The following CAMK2B variants were observed in gnomAD, a reference collection of about 807,000 sequenced individuals.
The protein encoded by CAMK2B is calcium/calmodulin dependent protein kinase II beta.
Under a neutral mutation model 93.7 loss-of-function variants are expected in CAMK2B, and 27 were observed. The ratio of observed to expected loss-of-function variants is 0.29; its 90% CI spans 0.21 to 0.40. The LOEUF is 0.40. CAMK2B is among the 10% of genes least tolerant of loss of function. The pLI is 1.00. For synonymous variants in CAMK2B, 374 were observed against 358.8 expected, an observed-to-expected ratio of 1.04 and a Z score of -0.48; for missense variants, 568 against 895.8, an observed-to-expected ratio of 0.63 and a Z score of 4.67.
chr7:44,252,617 G>C (rs1241118158), intron 5 of CAMK2B, among the ~76,000 whole-genome samples: 2 of 151,980 alleles, frequency 1.3e-5, no homozygotes, highest in African/African-American at 4.8e-5. Flanking sequence ...CTGATGGGAG[G>C]CTCTAGGAGG....
chr7:44,261,377 G>A (rs1026919784), intron 3 of CAMK2B, among the ~76,000 whole-genome samples: 2 of 152,222 alleles, frequency 1.3e-5, no homozygotes, highest in Non-Finnish European at 2.9e-5. Flanking sequence ...AACCCCCATG[G>A]GCAGCTCCAA....
intron 4 of CAMK2B, 36 bp from the exon 5 acceptor site, chr7:44,254,643 A>T: frequency 6.8e-7 from 1 of 1,478,074 alleles, no homozygotes; most frequent in Non-Finnish European, 9.4e-7. Flanking sequence ...CAGATTCTGG[A>T]GACCCCTGTC....
rs1411295979 is a variant in CAMK2B at position 44,241,802 on chromosome 7, T to C, written c.820-19A>G. The C allele has an allele frequency of 6.2e-7, 1 of 1,602,366 alleles. No individual in the cohort carries two copies. The highest frequency in any genetic ancestry group is 8.5e-7 in the Non-Finnish European group (1 of 1,170,322). ...AGCGTTGCTGTGGGGAAATGGGTGGTCATATGGCAGCCGAGCCCGAGGCAC... is the reference window on the plus strand; with the variant it reads ...AGCGTTGCTGTGGGGAAATGGGTGGCCATATGGCAGCCGAGCCCGAGGCAC... On this transcript the variant is annotated intron_variant, in intron 10 of 23. Transcript: ENST00000395749.
intron 2 of CAMK2B, among the ~76,000 whole-genome samples, chr7:44,268,995 C>T (rs963636064): frequency 6.6e-6 from 1 of 152,142 alleles, no homozygotes; most frequent in Non-Finnish European, 1.5e-5. Flanking sequence ...GTGGAGGGAG[C>T]TCCTCCCCTC....
chr7:44,311,770 C>T lies in CAMK2B; in HGVS notation c.65+13587G>A, dbSNP rs1379632007. ...ACCAGAGGCCTTCAGGCCTGGGTCT[C>T]TGCTCCCACCTGCAGACAGGACAAG... On this transcript the variant is annotated intron_variant, in intron 1 of 23. Coordinates refer to ENST00000395749, the MANE Select transcript of CAMK2B (RefSeq NM_001220.5). The surrounding 1 kb of genome is among the most constrained non-coding windows in gnomAD (Gnocchi z 4.2). 6.6e-6 allele frequency among the ~76,000 whole-genome samples: 1 copy of T among 152,216 alleles called. No individual in the cohort carries two copies.
intron 2 of CAMK2B, among the ~76,000 whole-genome samples, chr7:44,282,556 T>C (rs561596728): frequency 1.3e-5 from 2 of 152,184 alleles, no homozygotes; most frequent in Non-Finnish European, 2.9e-5. Context: ...GCCAAGCCCC[T>C]TCGTGGCTCA....
chr7:44,240,662 G>A (rs926937846), intron 12 of CAMK2B, 45 bp downstream of exon 12: 5 of 1,605,200 alleles, frequency 3.1e-6, no homozygotes, highest in East Asian at 2.2e-5. Flanking sequence ...GCGTGGGCCA[G>A]CAGGGAGGGG....
At chr7:44,226,129 C>A (rs1263709515) in intron 20 of CAMK2B, among the ~76,000 whole-genome samples, 1 of 152,178 alleles carries the variant, frequency 6.6e-6, no homozygotes, top group Non-Finnish European at 1.5e-5. Context: ...TCTGTCCCGG[C>A]CCAGCAGGTC....
At chr7:44,270,490 A>G (rs898345666) in intron 2 of CAMK2B, among the ~76,000 whole-genome samples, 1 of 152,212 alleles carries the variant, frequency 6.6e-6, no homozygotes, top group African/African-American at 2.4e-5. Flanking sequence ...GCTCTGACCC[A>G]AGCCTGAGGC....
intron 6 of CAMK2B, among the ~76,000 whole-genome samples, chr7:44,244,240 CAG>C (rs2096709489): frequency 6.6e-6 from 1 of 152,216 alleles, no homozygotes; most frequent in South Asian, 2.1e-4. Flanking sequence ...GGCCCTGACA[CAG>C]AGAGCAGTGC....
chr7:44,287,310 T>G (rs1785409144), intron 1 of CAMK2B, among the ~76,000 whole-genome samples: 1 of 152,124 alleles, frequency 6.6e-6, no homozygotes, highest in African/African-American at 2.4e-5. Context: ...TGCTTAAGTC[T>G]CCCACCCCAG....
intron 11 of CAMK2B, among the ~76,000 whole-genome samples, 167 bp from the exon 12 acceptor site, chr7:44,240,916 C>T (rs1202699725): frequency 3.3e-5 from 5 of 152,142 alleles, no homozygotes; most frequent in African/African-American, 9.7e-5. Flanking sequence ...AGCCAGCAGC[C>T]GCACTGAGAC....
intron 1 of CAMK2B, among the ~76,000 whole-genome samples, chr7:44,294,058 G>A (rs538786793): frequency 1.3e-5 from 2 of 152,136 alleles, no homozygotes; most frequent in Non-Finnish European, 2.9e-5. Flanking sequence ...GGTCCGACTG[G>A]CTCCCAAGGC....
intron 6 of CAMK2B, 58 bp from the exon 7 acceptor site, chr7:44,243,585 G>A (rs1397951221): frequency 1.5e-6 from 2 of 1,362,164 alleles, no homozygotes; most frequent in African/African-American, 2.9e-5. Context: ...GGTGTTATGT[G>A]GGGTTGGGTG....
intron 3 of CAMK2B, among the ~76,000 whole-genome samples, chr7:44,260,494 C>T (rs1419843041): frequency 6.6e-6 from 1 of 152,180 alleles, no homozygotes; most frequent in African/African-American, 2.4e-5. Context: ...AAGCCCAGCC[C>T]CTGCCACTTG....
chr7:44,269,872 C>G (rs2096957318), intron 2 of CAMK2B, among the ~76,000 whole-genome samples: 1 of 152,040 alleles, frequency 6.6e-6, no homozygotes, highest in African/African-American at 2.4e-5. Flanking sequence ...CCACCAGGGT[C>G]TGAGGGCTGA....
rs764172249 is a variant in CAMK2B at position 44,247,104 on chromosome 7, T to C, written c.414+16A>G. ...CAGACAACAGACACCTGGCACAGAG[T>C]GGGGTGGGGACTCACCTTGAGGTCT... On this transcript the variant is annotated intron_variant, in intron 6 of 23. Coordinates refer to ENST00000395749, the MANE Select transcript of CAMK2B (RefSeq NM_001220.5). The C allele has an allele frequency of 1.2e-6, 2 of 1,604,642 alleles. No homozygotes were observed. The highest frequency in any genetic ancestry group is 2.7e-5 in the African/African-American group (2 of 74,604).
At chr7:44,262,281 A>C (rs755136316) in intron 3 of CAMK2B, among the ~76,000 whole-genome samples, 17 of 152,112 alleles carry the variant, frequency 1.1e-4, no homozygotes, top group Non-Finnish European at 1.9e-4. Flanking sequence ...TCCACCTGAC[A>C]GCTCCCCAGG....
intron 16 of CAMK2B, 149 bp downstream of exon 16, chr7:44,232,673 A>T: frequency 1.3e-6 from 1 of 750,822 alleles, no homozygotes; most frequent in Non-Finnish European, 2.3e-6. Context: ...GCCCACGAAG[A>T]CGGACTGGGG....
Sources: gnomAD v4.1 joint callset for allele counts (sites outside exome capture counted in the v4.1 genomes callset) on GRCh38, gnomAD v4.1.1 for gene constraint, Gnocchi (gnomAD v3.1) non-coding constraint, MANE v1.5 for transcripts, NCBI Gene and HGNC (gene_info 2026-07-23, HGNC 2026-07-21) for gene names.